Variants in PPARGC1B observed in about 807,000 individuals in gnomAD.
The protein encoded by PPARGC1B is peroxisome proliferator-activated receptor gamma coactivator 1-beta.
In PPARGC1B, 34 loss-of-function variants were observed where a neutral mutation model predicts 101.6. The ratio of observed to expected loss-of-function variants is 0.33; its 90% CI spans 0.25 to 0.45. The LOEUF is 0.45. Among genes scored for constraint, PPARGC1B ranks in the 20% least tolerant of loss-of-function variants. PPARGC1B has a pLI of 1.00. For missense variants in PPARGC1B, 1,234 were observed against 1,317.6 expected (o/e 0.94, Z 0.98); for synonymous variants, 548 against 539.3 (o/e 1.02, Z -0.22).
intron 2 of PPARGC1B, among the ~76,000 whole-genome samples, chr5:149,823,788 G>A (rs1329437357): frequency 1.3e-5 from 2 of 152,144 alleles, no homozygotes; most frequent in African/African-American, 4.8e-5. Flanking sequence ...GAGAGGTCGG[G>A]AGAAGGAGAA....
intron 1 of PPARGC1B, among the ~76,000 whole-genome samples, chr5:149,818,148 G>A (rs1758131271): frequency 6.6e-6 from 1 of 152,196 alleles, no homozygotes; most frequent in African/African-American, 2.4e-5. Flanking sequence ...AGCGGTACCT[G>A]GGGGACCCAG....
At chr5:149,779,535 C>T (rs989986483) in intron 1 of PPARGC1B, among the ~76,000 whole-genome samples, 2 of 152,168 alleles carry the variant, frequency 1.3e-5, no homozygotes, top group African/African-American at 4.8e-5. Flanking sequence ...CAGGCCACTG[C>T]ATCCCTGGAG....
chr5:149,747,805 T>C (rs1755143691), intron 1 of PPARGC1B, among the ~76,000 whole-genome samples: 1 of 151,830 alleles, frequency 6.6e-6, no homozygotes, highest in Non-Finnish European at 1.5e-5. Context: ...CCTGGTGGGG[T>C]GGGGGTGGAC....
intron 8 of PPARGC1B, among the ~76,000 whole-genome samples, chr5:149,838,160 T>A (rs1162390138): frequency 6.6e-6 from 1 of 152,224 alleles, no homozygotes; most frequent in Non-Finnish European, 1.5e-5. Context: ...GACTTCAGCT[T>A]TATGTTTATA....
chr5:149,784,878 G>C (rs1165650705), intron 1 of PPARGC1B, among the ~76,000 whole-genome samples: 1 of 152,136 alleles, frequency 6.6e-6, no homozygotes, highest in Non-Finnish European at 1.5e-5. Flanking sequence ...AGCCAACTGA[G>C]TTTCTCTCAG....
chr5:149,825,102 AGGCCTTAC>A (rs1758460364), intron 2 of PPARGC1B, among the ~76,000 whole-genome samples: 2 of 152,244 alleles, frequency 1.3e-5, no homozygotes, highest in Non-Finnish European at 2.9e-5. Flanking sequence ...CCCGGGGACC[AGGCCTTAC>A]TAAATGAGGC....
chr5:149,847,287 A>T, intron 11 of PPARGC1B, 171 bp from the exon 12 acceptor site: 1 of 746,022 alleles, frequency 1.3e-6, no homozygotes, highest in Non-Finnish European at 2.5e-6. Flanking sequence ...AAGATGTCCC[A>T]GCAGGATGGC....
intron 3 of PPARGC1B, among the ~76,000 whole-genome samples, chr5:149,830,060 A>G (rs1758710610): frequency 6.8e-6 from 1 of 146,674 alleles, no homozygotes; most frequent in Non-Finnish European, 1.5e-5. Context: ...AAAAAGAAAA[A>G]AAAAAAAAAA....
rs757764711 is a variant in PPARGC1B, at chr5:149,842,323, G to A, written c.2762G>A (p.Arg921His). Residue 921 changes from arginine to histidine, a missense_variant, in exon 10 of 12, where the codon CGC (arginine) becomes CAC (histidine). Around this residue, in one of 3 missense-constraint regions of PPARGC1B, gnomAD observed 497 missense variants for 529.5 expected, o/e 0.94. Transcript: ENST00000309241. Reference sequence around the variant, plus strand: ...ATGAGCTCCCGAGAGCTGAAGAGGCGCTTTGAAGTGTTTGGTGAGATTGAG... The same window carrying A: ...ATGAGCTCCCGAGAGCTGAAGAGGCACTTTGAAGTGTTTGGTGAGATTGAG... Reference protein sequence around the residue: ...SDMSSRELKRRFEVFGEIEEC... With the variant: ...SDMSSRELKRHFEVFGEIEEC... 76 of 1,614,022 alleles carry A rather than the reference G, an allele frequency of 4.7e-5. No homozygotes were observed. The highest frequency in any genetic ancestry group is 6.7e-5 in the Admixed American group (4 of 60,006).
chr5:149,741,145 G>A (rs536503873), intron 1 of PPARGC1B, among the ~76,000 whole-genome samples: 14 of 152,308 alleles, frequency 9.2e-5, no homozygotes, highest in Admixed American at 9.2e-4. Context: ...GATGCTCCCC[G>A]ACAGCTCTGC....
At chr5:149,804,643 T>A (rs932039122) in intron 1 of PPARGC1B, among the ~76,000 whole-genome samples, 2 of 152,140 alleles carry the variant, frequency 1.3e-5, no homozygotes, top group Non-Finnish European at 2.9e-5. Flanking sequence ...GCACTCCAGC[T>A]GGGGCGACAG....
intron 1 of PPARGC1B, chr5:149,740,092 C>T (rs1262392077): frequency 6.6e-6 from 1 of 152,208 alleles, no homozygotes; most frequent in East Asian, 1.9e-4. Flanking sequence ...ATTAACTGTC[C>T]CCAAAGGCCT....
chr5:149,736,668 C>T (rs983347299), intron 1 of PPARGC1B, among the ~76,000 whole-genome samples: 2 of 152,204 alleles, frequency 1.3e-5, no homozygotes, highest in African/African-American at 4.8e-5. Flanking sequence ...TTGCCCTTAG[C>T]CCAGATGGCA....
chr5:149,754,950 T>A (rs1296941629), intron 1 of PPARGC1B, among the ~76,000 whole-genome samples: 2 of 149,436 alleles, frequency 1.3e-5, no homozygotes, highest in Non-Finnish European at 3.0e-5. Flanking sequence ...CCTGACCAAT[T>A]TTTGTATATA....
At chr5:149,812,837 C>T (rs1043846159) in intron 1 of PPARGC1B, among the ~76,000 whole-genome samples, 2 of 152,206 alleles carry the variant, frequency 1.3e-5, no homozygotes, top group Non-Finnish European at 2.9e-5. Flanking sequence ...GGATGTGCTT[C>T]CCTGGATTGC....
intron 1 of PPARGC1B, among the ~76,000 whole-genome samples, chr5:149,793,078 G>A (rs1757080453): frequency 6.6e-6 from 1 of 151,984 alleles, no homozygotes; most frequent in Non-Finnish European, 1.5e-5. Flanking sequence ...TCTGGGTGAG[G>A]TAGAGAGTGT....
Position 149,833,375 on chromosome 5 carries a change from GGAAGAAGAGGAGGAGGAAGAGGAAGAA to G in PPARGC1B, c.1306_1332del (p.Glu436_Glu444del). 1 of 1,613,412 alleles carries G rather than the reference GGAAGAAGAGGAGGAGGAAGAGGAAGAA, an allele frequency of 6.2e-7. No individual in the cohort carries two copies. Among genetic ancestry groups the G allele is most frequent in the South Asian group, 1.1e-5 (1 of 91,042 alleles). On this transcript the variant is annotated inframe_deletion, in exon 5 of 12. Transcript: ENST00000309241. This position sits in a 1 kb window ranked among gnomAD's most constrained non-coding sequence, Gnocchi z 4.1. The stretch of plus-strand genomic sequence containing the variant: ...TGCAGCAGCAGGAGGAGGAAGACGA[GGAAGAAGAGGAGGAGGAAGAGGAAGAA>G]GAAAAAGAGGAGGAGGAGGAGTGGG...
chr5:149,737,581 G>C (rs1754767754), intron 1 of PPARGC1B, among the ~76,000 whole-genome samples: 1 of 152,222 alleles, frequency 6.6e-6, no homozygotes, highest in Non-Finnish European at 1.5e-5. Context: ...ACTGACCTTG[G>C]AATCCCCTTA....
intron 1 of PPARGC1B, among the ~76,000 whole-genome samples, chr5:149,732,339 G>A (rs1048899738): frequency 2.3e-4 from 35 of 152,334 alleles, no homozygotes; most frequent in African/African-American, 8.2e-4. Flanking sequence ...TGGCTGAAAA[G>A]CGGATGAGAG....
Sources: gnomAD v4.1 joint callset for allele counts (sites outside exome capture counted in the v4.1 genomes callset) on GRCh38, gnomAD v4.1.1 for gene constraint, gnomAD v4.1.1 regional missense constraint, Gnocchi (gnomAD v3.1) non-coding constraint, MANE v1.5 for transcripts, NCBI Gene and HGNC (gene_info 2026-07-23, HGNC 2026-07-21) for gene names.